The following VAV1 variants were observed in gnomAD, a reference collection of about 807,000 sequenced individuals.
VAV1 encodes vav guanine nucleotide exchange factor 1.
VAV1 carries 33 observed loss-of-function variants against 128.1 expected under a neutral mutation model. That is an observed-to-expected ratio of 0.26 (90% CI 0.20 to 0.34). VAV1 has a LOEUF of 0.34. Among genes scored for constraint, VAV1 ranks in the 10% least tolerant of loss-of-function variants. The pLI is 1.00. For missense variants in VAV1, 715 were observed against 1,093.7 expected, an observed-to-expected ratio of 0.65 and a Z score of 4.88; for synonymous variants, 394 against 409.8, an observed-to-expected ratio of 0.96 and a Z score of 0.47.
chr19:6,772,774 AG>A lies in VAV1; in HGVS notation c.-31del. ...GGGCGGGTGGGTGGTGGAGGCTGCG[AG>A]GGTGCACGGCCGGCCCTGGGCAGGC... is the stretch of plus-strand genomic sequence containing the variant. On this transcript the variant is annotated 5_prime_UTR_variant, in exon 1 of 27. Coordinates refer to ENST00000602142, the MANE Select transcript of VAV1 (RefSeq NM_005428.4). The surrounding 1 kb of genome is among the most constrained non-coding windows in gnomAD (Gnocchi z 4.8). 1 of 1,601,028 alleles carries A rather than the reference AG, an allele frequency of 6.2e-7. No homozygotes were observed. The highest frequency in any genetic ancestry group is 8.5e-7 in the Non-Finnish European group (1 of 1,173,860).
intron 22 of VAV1, among the ~76,000 whole-genome samples, chr19:6,844,319 A>C (rs1972462804): frequency 6.6e-6 from 1 of 151,628 alleles, no homozygotes. Context: ...CCCAGGTTCA[A>C]GCGATTCTCC....
At chr19:6,784,166 A>T (rs1403001484) in intron 1 of VAV1, 1 of 566,824 alleles carries the variant, frequency 1.8e-6, no homozygotes, top group African/African-American at 1.9e-5. Flanking sequence ...AGGCAGGAGG[A>T]TCGCTTGAGC....
chr19:6,784,732 G>T (rs895061924), intron 1 of VAV1, among the ~76,000 whole-genome samples: 4 of 152,054 alleles, frequency 2.6e-5, no homozygotes, highest in African/African-American at 9.7e-5. Flanking sequence ...GGCCTCAAGT[G>T]ATCTACCCGC....
rs1378295778 is a variant in VAV1, at chr19:6,828,795, A to AC, written c.1180-15dup. 1.2e-6 allele frequency: 2 copies of AC among 1,613,356 alleles called. No homozygotes were observed. The highest frequency in any genetic ancestry group is 1.7e-6 in the Non-Finnish European group (2 of 1,179,848). ...TCCTTTCTTGGGAGACCCTTGCTAG[A>AC]CCCCCTGCCTACTGCATAGGACCAG... On this transcript the variant is annotated intron_variant, in intron 12 of 26. Transcript: ENST00000602142. This position sits in a 1 kb window ranked among gnomAD's most constrained non-coding sequence, Gnocchi z 4.5.
rs569798738 is a variant in VAV1 at position 6,812,212 on chromosome 19, A to G, written c.205-8490A>G. Among the ~76,000 whole-genome samples the G allele has an allele frequency of 7.9e-5, 12 of 152,352 alleles. No individual in the cohort carries two copies. In the East Asian group the frequency reaches 2.1e-3, roughly 27 times the overall value. On this transcript the variant is annotated intron_variant, in intron 1 of 26. Transcript: ENST00000602142. ...ATCTTTAGTGGCCTCTGCCCGAGGT[A>G]GACAGCAGGAATAGAACTAAGGGCT... is the stretch of plus-strand genomic sequence containing the variant.
At chr19:6,797,952 C>G (rs190529141) in intron 1 of VAV1, among the ~76,000 whole-genome samples, 8 of 150,842 alleles carry the variant, frequency 5.3e-5, no homozygotes, top group African/African-American at 2.0e-4. Context: ...AAAAAAAAAA[C>G]CAGCTATATT....
rs1203453392 is a variant in VAV1, at chr19:6,822,544, G to A, written c.654+30G>A. 2.7e-5 allele frequency: 41 copies of A among 1,538,362 alleles called. No homozygotes were observed. Among genetic ancestry groups the A allele is most frequent in the South Asian group, 6.0e-5 (5 of 83,868 alleles). On this transcript the variant is annotated intron_variant, in intron 6 of 26. Transcript: ENST00000602142. This position sits in a 1 kb window ranked among gnomAD's most constrained non-coding sequence, Gnocchi z 5.9. ...GCGCCTCCCACCCAGCGCCTGCCGG[G>A]CGCATGCGCGGGAGCTGGGCCGGCA...
intron 14 of VAV1, among the ~76,000 whole-genome samples, chr19:6,831,114 T>A (rs1217297652): frequency 6.6e-6 from 1 of 151,876 alleles, no homozygotes; most frequent in Non-Finnish European, 1.5e-5. Flanking sequence ...AAACAGGAGA[T>A]GTGGCTGTGG....
At chr19:6,776,496 C>T (rs1398270248) in intron 1 of VAV1, among the ~76,000 whole-genome samples, 1 of 144,998 alleles carries the variant, frequency 6.9e-6, no homozygotes, top group African/African-American at 2.6e-5. Flanking sequence ...ATTCATCCAT[C>T]CACTCATCTA....
At chr19:6,794,043 GATTT>G (rs72093993) in intron 1 of VAV1, among the ~76,000 whole-genome samples, 1,837 of 96,078 alleles carry the variant, frequency 0.019, 72 homozygotes, top group African/African-American at 0.028. Flanking sequence ...AACGGTAAAT[GATTT>G]ATTTACCAAT....
At chr19:6,845,971 C>T (rs957182058) in intron 22 of VAV1, among the ~76,000 whole-genome samples, 3 of 147,934 alleles carry the variant, frequency 2.0e-5, no homozygotes, top group Non-Finnish European at 1.5e-5. Context: ...ATATCATATG[C>T]GTTATATAAT....
At position 6,777,480 on chromosome 19, in the gene VAV1, GA is replaced by G. The variant is rs1194988312; in HGVS notation, c.204+4470del. On this transcript the variant is annotated intron_variant, in intron 1 of 26. Coordinates refer to ENST00000602142, the MANE Select transcript of VAV1 (RefSeq NM_005428.4). The surrounding 1 kb of genome is among the most constrained non-coding windows in gnomAD (Gnocchi z 4.4). ...GAGAAAACAAAGTGGAACAGGGTATGAGGGGGGCACTTTGACGAGGAGGGCT... is the reference window on the plus strand; with the variant it reads ...GAGAAAACAAAGTGGAACAGGGTATGGGGGGGCACTTTGACGAGGAGGGCT... Among the ~76,000 whole-genome samples the G allele has an allele frequency of 2.6e-5, 4 of 152,214 alleles. No homozygotes were observed. Among genetic ancestry groups the G allele is most frequent in the African/African-American group, 4.8e-5 (2 of 41,454 alleles).
At chr19:6,800,720 C>A (rs1383221294) in intron 1 of VAV1, among the ~76,000 whole-genome samples, 1 of 152,086 alleles carries the variant, frequency 6.6e-6, no homozygotes, top group Non-Finnish European at 1.5e-5. Context: ...CTCCTGGGTT[C>A]AAGCGATTCT....
At chr19:6,852,440 G>C (rs756168720) in intron 24 of VAV1, among the ~76,000 whole-genome samples, 49 of 152,000 alleles carry the variant, frequency 3.2e-4, no homozygotes, top group Non-Finnish European at 6.2e-4. Flanking sequence ...ACCTGTTTTT[G>C]GCCGGGCACG....
chr19:6,786,991 G>A (rs987574479), intron 1 of VAV1, among the ~76,000 whole-genome samples: 1 of 150,990 alleles, frequency 6.6e-6, no homozygotes, highest in African/African-American at 2.4e-5. Flanking sequence ...ACCAATACAC[G>A]GTCAGGCCCA....
intron 26 of VAV1, 122 bp from the exon 27 acceptor site, chr19:6,856,932 G>A: frequency 1.3e-6 from 1 of 783,534 alleles, no homozygotes; most frequent in Non-Finnish European, 2.2e-6. Flanking sequence ...GTGTTTTCTG[G>A]GATAGACAGA....
At chr19:6,836,648 T>C (rs1457551814) in intron 20 of VAV1, 80 bp downstream of exon 20, 1 of 1,566,176 alleles carries the variant, frequency 6.4e-7, no homozygotes, top group Middle Eastern at 1.7e-4. Flanking sequence ...GGGAGTTGGG[T>C]CATAGTTCCA....
chr19:6,772,746 T>C lies in VAV1; in HGVS notation c.-62T>C. ...GCTCCACAGGCGAGCAGGGCAGGCG[T>C]GCGGGCGGGTGGGTGGTGGAGGCTG... On this transcript the variant is annotated 5_prime_UTR_variant, in exon 1 of 27. Transcript: ENST00000602142. The surrounding 1 kb of genome is among the most constrained non-coding windows in gnomAD (Gnocchi z 4.8). 1.3e-6 allele frequency: 2 copies of C among 1,548,116 alleles called. No homozygotes were observed. Among genetic ancestry groups the C allele is most frequent in the South Asian group, 1.2e-5 (1 of 84,544 alleles).
rs200632319 is a variant in VAV1 at position 6,857,041 on chromosome 19, C to T, written c.2485-13C>T. The T allele has an allele frequency of 1.2e-4, 192 of 1,613,582 alleles. No homozygotes were observed. Among genetic ancestry groups the T allele is most frequent in the South Asian group, 6.8e-4 (62 of 91,072 alleles). ...GCAGAGGTTGCACTGATGAACTCCT[C>T]GTCTGTTTCCAGGTTGGCTGGTTCC... On this transcript the variant is annotated splice_polypyrimidine_tract_variant and intron_variant, in intron 26 of 26. Transcript: ENST00000602142.
Sources: gnomAD v4.1 joint callset for allele counts (sites outside exome capture counted in the v4.1 genomes callset) on GRCh38, gnomAD v4.1.1 for gene constraint, Gnocchi (gnomAD v3.1) non-coding constraint, MANE v1.5 for transcripts, NCBI Gene and HGNC (gene_info 2026-07-23, HGNC 2026-07-21) for gene names.